The following OTC variants were observed in gnomAD, a reference collection of about 807,000 sequenced individuals.
The protein encoded by OTC is ornithine transcarbamylase, also known as ornithine transcarbamylase, mitochondrial.
In OTC, 3 loss-of-function variants were observed where a neutral mutation model predicts 30.3. The observed-to-expected ratio is 0.10, with a 90% CI of 0.05 to 0.26. The LOEUF is 0.26. Ranked by LOEUF, OTC falls within the 10% of genes least tolerant of loss-of-function variation. The pLI is 1.00. For missense variants in OTC, 194 were observed against 260.3 expected, an observed-to-expected ratio of 0.75 and a Z score of 1.75; for synonymous variants, 111 against 99.7, an observed-to-expected ratio of 1.11 and a Z score of -0.67.
chrX:38,339,378 C>T, the OTC span, among the ~76,000 whole-genome samples: 2 of 110,993 alleles, frequency 1.8e-5, no homozygotes, highest in African/African-American at 3.3e-5. Flanking sequence ...AGTCCAAGAT[C>T]GTTCCCTTTA....
the OTC span, among the ~76,000 whole-genome samples, chrX:38,344,238 T>TACAC: frequency 8.8e-4 from 38 of 43,333 alleles, no homozygotes; most frequent in African/African-American, 2.3e-3. Context: ...GATATATATA[T>TACAC]ATACACACAC....
the OTC span, among the ~76,000 whole-genome samples, chrX:38,332,672 G>T: frequency 2.8e-5 from 3 of 107,962 alleles, no homozygotes; most frequent in Non-Finnish European, 5.7e-5. Flanking sequence ...GCAGCTCACT[G>T]TATTAGTCAG....
intron 3 of OTC, among the ~76,000 whole-genome samples, chrX:38,377,466 A>G (rs1319629858): frequency 8.9e-6 from 1 of 111,989 alleles, no homozygotes; most frequent in Admixed American, 9.5e-5. Context: ...ACAGATCAAA[A>G]CAGAAATATA....
intron 4 of OTC, among the ~76,000 whole-genome samples, chrX:38,393,626 G>T (rs918723867): frequency 1.8e-5 from 2 of 112,066 alleles, no homozygotes; most frequent in Non-Finnish European, 3.8e-5. Context: ...GTGGGAACGG[G>T]TTGCTAAATT....
intron 1 of OTC, among the ~76,000 whole-genome samples, chrX:38,353,119 T>G (rs1460028292): frequency 8.9e-6 from 1 of 112,200 alleles, no homozygotes; most frequent in Non-Finnish European, 1.9e-5. Context: ...TAAAACAATA[T>G]ATCACTCTAA....
intron 4 of OTC, among the ~76,000 whole-genome samples, chrX:38,386,380 A>T (rs865933570): frequency 1.9e-3 from 147 of 76,493 alleles, no homozygotes; most frequent in African/African-American, 6.2e-3. Flanking sequence ...CTCAAAAAAA[A>T]AAAAAAATAT....
At chrX:38,365,573 T>C (rs940713557) in intron 1 of OTC, among the ~76,000 whole-genome samples, 1 of 112,340 alleles carries the variant, frequency 8.9e-6, no homozygotes, top group Middle Eastern at 4.6e-3. Flanking sequence ...GGTTGGAAAT[T>C]AGAAGATAAT....
chrX:38,412,535 G>A (rs187623764), intron 9 of OTC, among the ~76,000 whole-genome samples: 1 of 111,905 alleles, frequency 8.9e-6, no homozygotes, highest in East Asian at 2.8e-4. Context: ...AAAATTAATG[G>A]TTCCTTTCAG....
chrX:38,414,690 C>A (rs1284753602), intron 9 of OTC, among the ~76,000 whole-genome samples: 1 of 112,017 alleles, frequency 8.9e-6, no homozygotes, highest in South Asian at 3.7e-4. Context: ...GATCCCTAAT[C>A]TCATCAACAG....
intron 8 of OTC, 98 bp from the exon 9 acceptor site, chrX:38,411,764 G>A (rs2068543973): frequency 5.2e-6 from 4 of 775,782 alleles, no homozygotes; most frequent in Non-Finnish European, 7.9e-6. Flanking sequence ...TTGCATTGAT[G>A]TCTGACTACT....
intron 6 of OTC, among the ~76,000 whole-genome samples, chrX:38,405,279 C>T (rs2068510124): frequency 8.9e-6 from 1 of 111,930 alleles, no homozygotes; most frequent in African/African-American, 3.2e-5. Flanking sequence ...TTACTACAAA[C>T]TACACAGCTT....
At chrX:38,354,276 C>A (rs1226288892) in intron 1 of OTC, among the ~76,000 whole-genome samples, 2 of 111,556 alleles carry the variant, frequency 1.8e-5, no homozygotes, top group Non-Finnish European at 3.8e-5. Context: ...GTATATGAAA[C>A]CTAAAAAGTG....
Position 38,414,596 on chromosome X carries a change from G to T in OTC, c.1005+2597G>T, listed in dbSNP as rs1055603634. Among the ~76,000 whole-genome samples the T allele has an allele frequency of 5.4e-5, 6 of 112,025 alleles. No individual in the cohort carries two copies. The South Asian group carries it at 1.1e-3, about 21-fold the overall frequency. On this transcript the variant is annotated intron_variant, in intron 9 of 9. Coordinates refer to ENST00000039007, the MANE Select transcript of OTC (RefSeq NM_000531.6). ...TCAGCTGTGCCATCTTAGCGTCTAA[G>T]TATTAACTCTCTAGGTCCCAGTGTC...
At chrX:38,388,886 A>G (rs1393228505) in intron 4 of OTC, among the ~76,000 whole-genome samples, 1 of 112,365 alleles carries the variant, frequency 8.9e-6, no homozygotes, top group Non-Finnish European at 1.9e-5. Context: ...TTAGTTTCCT[A>G]TGGCCACCAC....
upstream of OTC, among the ~76,000 whole-genome samples, chrX:38,350,293 C>T (rs1254100858): frequency 8.9e-6 from 1 of 111,986 alleles, no homozygotes; most frequent in East Asian, 2.8e-4. Context: ...TGTTTTATCA[C>T]TCTGTCTCTC....
At chrX:38,366,823 C>G (rs140340153) in intron 1 of OTC, among the ~76,000 whole-genome samples, 9 of 111,189 alleles carry the variant, frequency 8.1e-5, no homozygotes, top group African/African-American at 2.9e-4. Flanking sequence ...AAATATAAAC[C>G]AAGGCCATAT....
At chrX:38,373,568 T>C (rs2068332406) in intron 3 of OTC, 3 of 112,899 alleles carry the variant, frequency 2.7e-5, no homozygotes, top group Non-Finnish European at 5.6e-5. Context: ...TTCTTTTCAT[T>C]ATTTAACATT....
intron 3 of OTC, among the ~76,000 whole-genome samples, chrX:38,379,636 AT>A (rs61483155): frequency 0.27 from 28,756 of 108,407 alleles, 3,419 homozygotes; most frequent in African/African-American, 0.41. Flanking sequence ...GATTTTTAAT[AT>A]TTTTTTTTCT....
chrX:38,401,009 C>T (rs1445267630), intron 4 of OTC, among the ~76,000 whole-genome samples: 1 of 112,282 alleles, frequency 8.9e-6, no homozygotes, highest in Non-Finnish European at 1.9e-5. Flanking sequence ...TTAATTATAA[C>T]TCATCATTAT....
Sources: gnomAD v4.1 joint callset for allele counts (sites outside exome capture counted in the v4.1 genomes callset) on GRCh38, gnomAD v4.1.1 for gene constraint, MANE v1.5 for transcripts, NCBI Gene and HGNC (gene_info 2026-07-23, HGNC 2026-07-21) for gene names.